The following NALF1 variants were observed in gnomAD, a reference collection of about 807,000 sequenced individuals.
NALF1 encodes the protein NALCN channel auxiliary factor 1, also known as family with sequence similarity 155 member A.
A neutral mutation model predicts 48.4 loss-of-function variants in NALF1; 3 were observed. That is an observed-to-expected ratio of 0.06 (90% CI 0.03 to 0.16). The LOEUF (loss-of-function observed/expected upper bound fraction) is 0.16, where lower values mean the gene tolerates loss of function less well. Among genes scored for constraint, NALF1 ranks in the 10% least tolerant of loss-of-function variants. The pLI, the probability that NALF1 is intolerant of heterozygous loss-of-function variation, is 1.00. For missense variants in NALF1, 526 were observed against 571.5 expected (o/e 0.92, Z 0.81); for synonymous variants, 262 against 245.7 (o/e 1.07, Z -0.62).
chr13:107,644,642 C>CATATATAT (rs371201609), intron 1 of NALF1, among the ~76,000 whole-genome samples: 4,801 of 91,906 alleles, frequency 0.052, 316 homozygotes, highest in East Asian at 0.1. Flanking sequence ...TACATACATA[C>CATATATAT]ATACATATAT....
intron 1 of NALF1, among the ~76,000 whole-genome samples, chr13:107,328,999 C>G (rs1882418301): frequency 6.6e-6 from 1 of 152,160 alleles, no homozygotes; most frequent in South Asian, 2.1e-4. Context: ...TAGATTATAT[C>G]ATGAGGAAGA....
At chr13:107,784,923 C>G (rs1473555751) in intron 1 of NALF1, among the ~76,000 whole-genome samples, 4 of 151,922 alleles carry the variant, frequency 2.6e-5, no homozygotes, top group Non-Finnish European at 1.5e-5. Context: ...GGAAAAGATA[C>G]CATTATATGA....
intron 1 of NALF1, among the ~76,000 whole-genome samples, chr13:107,371,905 A>T (rs1883254315): frequency 6.6e-6 from 1 of 152,248 alleles, no homozygotes. Context: ...ATAAAAATTT[A>T]ATCAAGCTTT....
In NALF1 at chr13:107,312,436, G is replaced by C. The variant is rs113693348; in HGVS notation, c.916-101681C>G. On this transcript the variant is annotated intron_variant, in intron 1 of 2. Coordinates refer to ENST00000375915, the MANE Select transcript of NALF1 (RefSeq NM_001080396.3). The stretch of plus-strand genomic sequence containing the variant: ...AGGGCCTGTTGTGGGGTGGGGGAAG[G>C]GGGGAGGGATAGCATTAGGAGATAT... Among the ~76,000 whole-genome samples, 1,463 of 152,072 alleles carry C rather than the reference G, an allele frequency of 9.6e-3. 8 individuals are homozygous for C. Among genetic ancestry groups the C allele is most frequent in the African/African-American group, 0.014 (562 of 41,474 alleles).
chr13:107,427,778 C>T (rs564897854), intron 1 of NALF1, among the ~76,000 whole-genome samples: 2 of 152,248 alleles, frequency 1.3e-5, no homozygotes, highest in Non-Finnish European at 2.9e-5. Flanking sequence ...AGTAGCCTAA[C>T]AAGAGTTGTT....
At chr13:107,418,907 T>C (rs1884138833) in intron 1 of NALF1, among the ~76,000 whole-genome samples, 2 of 152,216 alleles carry the variant, frequency 1.3e-5, no homozygotes, top group South Asian at 4.1e-4. Flanking sequence ...TCCAGAAAAT[T>C]GTTGACTAAC....
intron 2 of NALF1, among the ~76,000 whole-genome samples, chr13:107,179,683 A>AC (rs1307483761): frequency 6.6e-6 from 1 of 151,456 alleles, no homozygotes; most frequent in African/African-American, 2.4e-5. Flanking sequence ...AAAAAAAAAA[A>AC]AAACCACAGC....
At chr13:107,258,548 C>A (rs918300885) in intron 1 of NALF1, among the ~76,000 whole-genome samples, 1 of 152,138 alleles carries the variant, frequency 6.6e-6, no homozygotes, top group Non-Finnish European at 1.5e-5. Flanking sequence ...CCCCAGCCCA[C>A]AACCTAACTG....
intron 1 of NALF1, among the ~76,000 whole-genome samples, chr13:107,673,458 T>C (rs1222840405): frequency 1.3e-5 from 2 of 152,174 alleles, no homozygotes; most frequent in South Asian, 2.1e-4. Context: ...TATGGTGCTA[T>C]TCCTATTCTC....
intron 1 of NALF1, among the ~76,000 whole-genome samples, chr13:107,313,618 G>A (rs1248399931): frequency 6.6e-6 from 1 of 151,990 alleles, no homozygotes; most frequent in South Asian, 2.1e-4. Flanking sequence ...TCATCCCTCC[G>A]CTCACCTGAG....
At chr13:107,701,324 C>G (rs77929883) in intron 1 of NALF1, among the ~76,000 whole-genome samples, 9,345 of 152,188 alleles carry the variant, frequency 0.061, 325 homozygotes, top group African/African-American at 0.082. Flanking sequence ...GAGATCCTGC[C>G]ATTTGCCACA....
rs571623722 is a variant in NALF1, at chr13:107,350,691, C to T, written c.916-139936G>A. ...GTGTCTATTTTTCCCTTTTCCTGAG[C>T]GTTTCCTTACTAGAGGTATTATTTT... On this transcript the variant is annotated intron_variant, in intron 1 of 2. Coordinates refer to ENST00000375915, the MANE Select transcript of NALF1 (RefSeq NM_001080396.3). Among the ~76,000 whole-genome samples the T allele has an allele frequency of 4.1e-4, 62 of 152,290 alleles. 2 individuals are homozygous for T. The South Asian group carries it at 0.013, about 31-fold the overall frequency.
At chr13:107,563,220 A>C (rs967663845) in intron 1 of NALF1, among the ~76,000 whole-genome samples, 23 of 152,330 alleles carry the variant, frequency 1.5e-4, no homozygotes, top group South Asian at 8.3e-4. Context: ...GCAACTTCAC[A>C]GGGAAGCTCA....
chr13:107,586,651 C>CTTTTTTTTTTTTTTTTTTTTTTTTTTT (rs1257363727), intron 1 of NALF1, among the ~76,000 whole-genome samples: 1 of 2,822 alleles, frequency 3.5e-4, no homozygotes. Context: ...TTTTTTTTTG[C>CTTTTTTTTTTTTTTTTTTTTTTTTTTT]TAGGAATGAG....
At chr13:107,574,042 C>CA in intron 1 of NALF1, among the ~76,000 whole-genome samples, 1 of 151,972 alleles carries the variant, frequency 6.6e-6, no homozygotes. Flanking sequence ...AACATGAAAA[C>CA]AAAAAACAAT....
intron 1 of NALF1, among the ~76,000 whole-genome samples, chr13:107,386,444 T>C (rs1276506161): frequency 5.9e-5 from 9 of 152,232 alleles, no homozygotes; most frequent in East Asian, 1.9e-4. Context: ...ACTTGGAAAG[T>C]CCCTCCATAG....
At chr13:107,556,213 T>C (rs1487179313) in intron 1 of NALF1, among the ~76,000 whole-genome samples, 1 of 151,206 alleles carries the variant, frequency 6.6e-6, no homozygotes, top group Non-Finnish European at 1.5e-5. Flanking sequence ...GATGTGGGAC[T>C]GATAGTCATT....
intron 1 of NALF1, among the ~76,000 whole-genome samples, chr13:107,857,685 T>C (rs1880471804): frequency 6.6e-6 from 1 of 152,238 alleles, no homozygotes; most frequent in Non-Finnish European, 1.5e-5. Flanking sequence ...ACTCTACAGT[T>C]GTTCAATAAT....
intron 1 of NALF1, among the ~76,000 whole-genome samples, chr13:107,617,815 T>C (rs1807540622): frequency 6.6e-6 from 1 of 152,150 alleles, no homozygotes; most frequent in African/African-American, 2.4e-5. Flanking sequence ...GCACACAAGT[T>C]ATCAGTATTT....
Sources: gnomAD v4.1 joint callset for allele counts (sites outside exome capture counted in the v4.1 genomes callset) on GRCh38, gnomAD v4.1.1 for gene constraint, MANE v1.5 for transcripts, NCBI Gene and HGNC (gene_info 2026-07-23, HGNC 2026-07-21) for gene names.